The following BTAF1 variants were observed in gnomAD, a reference collection of about 807,000 sequenced individuals.
BTAF1 encodes TATA-binding protein-associated factor 172.
In BTAF1, 38 loss-of-function variants were observed where a neutral mutation model predicts 227.1. That is an observed-to-expected ratio of 0.17 (90% CI 0.13 to 0.22). BTAF1 has a LOEUF of 0.22. BTAF1 is among the 10% of genes least tolerant of loss of function. The probability of loss-of-function intolerance (pLI) is 1.00; values close to 1 mark genes in which losing one functional copy is unlikely to be tolerated. For missense variants in BTAF1, 1,598 were observed against 2,204.0 expected, an observed-to-expected ratio of 0.73 and a Z score of 5.51; for synonymous variants, 742 against 751.9, an observed-to-expected ratio of 0.99 and a Z score of 0.21.
At position 91,964,185 on chromosome 10, in the gene BTAF1, C is replaced by G. The variant is rs563848957; in HGVS notation, c.1513C>G (p.Gln505Glu). 5.0e-6 allele frequency: 8 copies of G among 1,612,646 alleles called. No homozygotes were observed. The highest frequency in any genetic ancestry group is 4.0e-5 in the African/African-American group (3 of 75,010). The change falls in exon 13 of 38, where the codon CAG becomes GAG. Residue 505 changes from glutamine (Q) to glutamate (E), a missense_variant. Coordinates refer to ENST00000265990, the MANE Select transcript of BTAF1 (RefSeq NM_003972.3). ...CCTTTCATCCTTGTTAACTTACCCTCAGGTCCAACAATGCAGGTAATTATT... is the reference window on the plus strand; with the variant it reads ...CCTTTCATCCTTGTTAACTTACCCTGAGGTCCAACAATGCAGGTAATTATT... ...TLLSSLLTYPQVQQCSIQQSL... is the reference protein window; with the variant it reads ...TLLSSLLTYPEVQQCSIQQSL...
At chr10:92,015,633 G>T (rs1005379599) in intron 32 of BTAF1, among the ~76,000 whole-genome samples, 6 of 152,156 alleles carry the variant, frequency 3.9e-5, no homozygotes, top group Admixed American at 2.6e-4. Flanking sequence ...AAAAATCTGT[G>T]GTGATTTACT....
Position 92,031,306 on chromosome 10 carries a change from T to G in BTAF1, c.*2373T>G, listed in dbSNP as rs2134206939. On this transcript the variant is annotated 3_prime_UTR_variant, in exon 38 of 38. Transcript: ENST00000265990. ...ATATGCTTATTTATTCTACAAACAT[T>G]TCTCCAAAAAGTATTCTAGTGAAAG... Among the ~76,000 whole-genome samples, 2 of 152,322 alleles carry G rather than the reference T, an allele frequency of 1.3e-5. No individual in the cohort carries two copies. The highest frequency in any genetic ancestry group is 4.1e-4 in the South Asian group (2 of 4,824).
Position 91,982,827 on chromosome 10 carries a change from T to TTATTTACAACAGAAAAGTTGTAATACAAC in BTAF1, c.2223+84_2223+85insTGTAATACAACTATTTACAACAGAAAAGT, listed in dbSNP as rs1259900588. 8.6e-4 allele frequency: 1,242 copies of TTATTTACAACAGAAAAGTTGTAATACAAC among 1,447,220 alleles called. 2 individuals are homozygous for TTATTTACAACAGAAAAGTTGTAATACAAC. Among genetic ancestry groups the TTATTTACAACAGAAAAGTTGTAATACAAC allele is most frequent in the Non-Finnish European group, 1.1e-3 (1,145 of 1,080,884 alleles). The allele number at this position is 1,447,220 out of a possible 1,614,324, so 89.6% of individuals were successfully genotyped here. A position where few individuals can be genotyped will look rare whatever the true frequency, so the allele number is the denominator to read the frequency against. ...AACCAATTTCCATTAGCTGTTAGGATTATTTACAACAGAAAAGTGAAAATT... is the reference window on the plus strand; with the variant it reads ...AACCAATTTCCATTAGCTGTTAGGATTATTTACAACAGAAAAGTTGTAATACAACTATTTACAACAGAAAAGTGAAAATT... On this transcript the variant is annotated intron_variant, in intron 18 of 37. Transcript: ENST00000265990.
In BTAF1 at chr10:91,993,858, AT is replaced by A; in HGVS notation, c.3199+16del. ...ACATAAATAATTTTGGTATACACATATTTTTATGAGTCCAGTTTTTAACAAA... is the reference window on the plus strand; with the variant it reads ...ACATAAATAATTTTGGTATACACATATTTTATGAGTCCAGTTTTTAACAAA... On this transcript the variant is annotated intron_variant, in intron 22 of 37. Transcript: ENST00000265990. The A allele has an allele frequency of 6.4e-7, 1 of 1,555,402 alleles. No homozygotes were observed. The highest frequency in any genetic ancestry group is 8.7e-7 in the Non-Finnish European group (1 of 1,145,838).
chr10:92,012,557 G>A (rs1315600561), intron 30 of BTAF1, among the ~76,000 whole-genome samples: 2 of 151,168 alleles, frequency 1.3e-5, no homozygotes, highest in African/African-American at 2.4e-5. Flanking sequence ...GATCAATTGA[G>A]GTCAGGAGTT....
At chr10:91,937,609 CATGTAT>C (rs1844721076) in intron 2 of BTAF1, among the ~76,000 whole-genome samples, 1 of 152,122 alleles carries the variant, frequency 6.6e-6, no homozygotes, top group Admixed American at 6.5e-5. Flanking sequence ...TATATTGTAG[CATGTAT>C]ATTCATTCTT....
Position 91,996,400 on chromosome 10 carries a change from G to A in BTAF1, c.3341G>A (p.Cys1114Tyr), listed in dbSNP as rs991698978. 1 of 1,613,880 alleles carries A rather than the reference G, an allele frequency of 6.2e-7. No homozygotes were observed. The highest frequency in any genetic ancestry group is 1.3e-5 in the African/African-American group (1 of 74,964). ...CAGCATTTGCCACATCTTTATATGT[G>A]CCTTCAATACCCCAGTACTGCAGTG... ...LVQHLPHLYM[C>Y]LQYPSTAVRH... Residue 1114 changes from cysteine (C) to tyrosine (Y), a missense_variant, in exon 24 of 38, where the codon TGC becomes TAC. By Grantham distance (194) the Cys-to-Tyr change is radical. This residue lies in a region of BTAF1 where 425 missense variants were observed against 491.2 expected (regional missense o/e 0.87). Transcript: ENST00000265990.
chr10:91,936,474 T>A (rs1844619914), intron 2 of BTAF1, among the ~76,000 whole-genome samples: 1 of 121,448 alleles, frequency 8.2e-6, no homozygotes, highest in African/African-American at 3.7e-5. Flanking sequence ...TTTGACCCCC[T>A]TTTTTCATTC....
intron 21 of BTAF1, among the ~76,000 whole-genome samples, chr10:91,992,563 TGA>T (rs767926723): frequency 4.3e-4 from 66 of 152,356 alleles, no homozygotes; most frequent in Non-Finnish European, 7.5e-4. Flanking sequence ...CCTATAGCAG[TGA>T]CTGTAGAGAA....
intron 5 of BTAF1, among the ~76,000 whole-genome samples, chr10:91,952,612 T>C (rs1197730197): frequency 1.3e-5 from 2 of 152,194 alleles, no homozygotes; most frequent in African/African-American, 4.8e-5. Context: ...TATTTGCCTT[T>C]ATACGAATGG....
intron 23 of BTAF1, among the ~76,000 whole-genome samples, chr10:91,994,972 C>T (rs1205746249): frequency 6.6e-6 from 1 of 152,000 alleles, no homozygotes; most frequent in Non-Finnish European, 1.5e-5. Flanking sequence ...TAATACAGCT[C>T]CAAGAAAGGA....
chr10:92,003,695 ATGC>A (rs1849700573), intron 25 of BTAF1, among the ~76,000 whole-genome samples: 1 of 152,226 alleles, frequency 6.6e-6, no homozygotes, highest in South Asian at 2.1e-4. Context: ...ATTGTGAATA[ATGC>A]TGCAATGAAC....
At position 92,018,952 on chromosome 10, in the gene BTAF1, A is replaced by G; in HGVS notation, c.4863+17A>G. 6.6e-7 allele frequency: 1 copy of G among 1,520,350 alleles called. No individual in the cohort carries two copies. The highest frequency in any genetic ancestry group is 8.8e-7 in the Non-Finnish European group (1 of 1,135,128). The allele number at this position is 1,520,350 out of a possible 1,614,324, so 94.2% of individuals were successfully genotyped here. ...TTGAAACAAGTATGTATGTCTTTTA[A>G]GTGTTAAATGTGTGTTGTACCCCAG... On this transcript the variant is annotated intron_variant, in intron 34 of 37. Transcript: ENST00000265990.
At chr10:91,989,766 A>G (rs2134014527) in intron 20 of BTAF1, among the ~76,000 whole-genome samples, 186 bp downstream of exon 20, 1 of 152,276 alleles carries the variant, frequency 6.6e-6, no homozygotes, top group East Asian at 1.9e-4. Flanking sequence ...ACCAGTCACA[A>G]CCCTGTAAGT....
intron 5 of BTAF1, among the ~76,000 whole-genome samples, chr10:91,952,737 G>A (rs1442806802): frequency 1.3e-5 from 2 of 152,152 alleles, no homozygotes; most frequent in African/African-American, 2.4e-5. Context: ...AGAGAAAAAA[G>A]AGAGAGTATG....
Position 91,925,516 on chromosome 10 carries a change from C to CTTTTTTTT in BTAF1, c.14+1432_14+1439dup, listed in dbSNP as rs6144026. Among the ~76,000 whole-genome samples, 33 of 114,600 alleles carry CTTTTTTTT rather than the reference C, an allele frequency of 2.9e-4. 1 individual carries two copies. The highest frequency in any genetic ancestry group is 4.6e-4 in the African/African-American group (17 of 36,910). 75.2% of individuals were successfully genotyped at this position (114,600 alleles called of 152,430 possible). A position where few individuals can be genotyped will look rare whatever the true frequency, so the allele number is the denominator to read the frequency against. On this transcript the variant is annotated intron_variant, in intron 1 of 37. Coordinates refer to ENST00000265990, the MANE Select transcript of BTAF1 (RefSeq NM_003972.3). ...CCTAATTTTCGGGCAACGCTAATCT[C>CTTTTTTTT]TTTTTTTTTTTTTGAGAAGGAATCT...
rs917595928 is a variant in BTAF1, at chr10:91,952,180, GTA to G, written c.564+624_564+625del. On this transcript the variant is annotated intron_variant, in intron 5 of 37. Coordinates refer to ENST00000265990, the MANE Select transcript of BTAF1 (RefSeq NM_003972.3). ...TGTGTTTGTGTGTGTGTGTGTGTGT[GTA>G]TATATATATTCCTTTTAAGCCATGT... Among the ~76,000 whole-genome samples, 7 of 143,136 alleles carry G rather than the reference GTA, an allele frequency of 4.9e-5. No individual in the cohort carries two copies. In the South Asian group the frequency reaches 1.1e-3, roughly 23 times the overall value. The allele number at this position is 143,136 out of a possible 152,430, so 93.9% of individuals were successfully genotyped here.
intron 1 of BTAF1, among the ~76,000 whole-genome samples, chr10:91,929,324 G>C (rs1201533844): frequency 6.6e-6 from 1 of 152,124 alleles, no homozygotes; most frequent in African/African-American, 2.4e-5. Flanking sequence ...AGCGATCTGT[G>C]CTGTAAAGGT....
intron 32 of BTAF1, among the ~76,000 whole-genome samples, chr10:92,014,266 T>C (rs1850553533): frequency 6.6e-6 from 1 of 152,132 alleles, no homozygotes. Flanking sequence ...TCTTACTCTG[T>C]CACCCAAGCT....
Sources: gnomAD v4.1 joint callset for allele counts (sites outside exome capture counted in the v4.1 genomes callset) on GRCh38, gnomAD v4.1.1 for gene constraint, gnomAD v4.1.1 regional missense constraint, MANE v1.5 for transcripts, NCBI Gene and HGNC (gene_info 2026-07-23, HGNC 2026-07-21) for gene names.